Variants in POC5 observed in about 807,000 individuals in gnomAD.
The protein encoded by POC5 is centrosomal protein POC5.
Under a neutral mutation model 62.9 loss-of-function variants are expected in POC5, and 48 were observed. The observed-to-expected ratio is 0.76, with a 90% CI of 0.61 to 0.97. The LOEUF (loss-of-function observed/expected upper bound fraction) is 0.97, where lower values mean the gene tolerates loss of function less well. POC5 is among the 50% of genes least tolerant of loss of function. POC5 has a pLI of 0.00. For synonymous variants in POC5, 236 were observed against 228.2 expected (o/e 1.03, Z -0.31); for missense variants, 696 against 679.5 (o/e 1.02, Z -0.27).
At chr5:75,676,248 A>T (rs561431789) in intron 11 of POC5, among the ~76,000 whole-genome samples, 1 of 152,340 alleles carries the variant, frequency 6.6e-6, no homozygotes, top group Non-Finnish European at 1.5e-5. Context: ...CCATCTCTAT[A>T]CATTTTCTAC....
Position 75,696,823 on chromosome 5 carries a change from T to G in POC5, c.514-1992A>C, listed in dbSNP as rs1236375792. ...AAACTTTGAAAAAAATTTAGAAGAA[T>G]GTATAACTAGAATAACCAATACAGA... is the stretch of plus-strand genomic sequence containing the variant. On this transcript the variant is annotated intron_variant, in intron 5 of 11. Coordinates refer to ENST00000428202, the MANE Select transcript of POC5 (RefSeq NM_001099271.2). Among the ~76,000 whole-genome samples, 21 of 151,514 alleles carry G rather than the reference T, an allele frequency of 1.4e-4. 1 individual carries two copies. The highest frequency in any genetic ancestry group is 1.4e-3 in the Admixed American group (21 of 15,262).
chr5:75,674,748 A>C (rs1241102536), intron 11 of POC5, among the ~76,000 whole-genome samples, 170 bp from the exon 12 acceptor site: 2 of 152,202 alleles, frequency 1.3e-5, no homozygotes, highest in Middle Eastern at 3.2e-3. Flanking sequence ...TTTGTCTGTA[A>C]GGAACCCCTA....
chr5:75,689,761 A>G, intron 8 of POC5: 1 of 764,604 alleles, frequency 1.3e-6, no homozygotes, highest in Non-Finnish European at 1.6e-6. Flanking sequence ...TCATTTTAAT[A>G]TTTAACTTCA....
chr5:75,677,402 T>C (rs1412534271), intron 11 of POC5: 1 of 153,658 alleles, frequency 6.5e-6, no homozygotes, highest in Non-Finnish European at 1.4e-5. Context: ...TGTAATCAAA[T>C]ATCTGCTACA....
At chr5:75,682,268 A>G (rs1254301413) in intron 10 of POC5, among the ~76,000 whole-genome samples, 2 of 152,238 alleles carry the variant, frequency 1.3e-5, no homozygotes, top group African/African-American at 4.8e-5. Context: ...TTCTTCCCAT[A>G]CATATTCAGG....
intron 5 of POC5, among the ~76,000 whole-genome samples, chr5:75,700,228 C>T (rs1347989459): frequency 6.6e-6 from 1 of 151,646 alleles, no homozygotes; most frequent in Admixed American, 6.6e-5. Context: ...CTTTAAAGTT[C>T]ATATGGAACC....
intron 10 of POC5, among the ~76,000 whole-genome samples, chr5:75,683,862 CCTGA>C (rs1425999406): frequency 6.6e-6 from 1 of 152,100 alleles, no homozygotes; most frequent in African/African-American, 2.4e-5. Flanking sequence ...CAGCACCATG[CCTGA>C]CTAATTTTCT....
At chr5:75,676,629 G>A (rs2112064501) in intron 11 of POC5, among the ~76,000 whole-genome samples, 1 of 152,156 alleles carries the variant, frequency 6.6e-6, no homozygotes, top group South Asian at 2.1e-4. Flanking sequence ...GTCCGATGCT[G>A]AGAATTTATA....
In POC5 at chr5:75,690,519, A is replaced by G. The variant is rs761133040; in HGVS notation, c.839T>C (p.Leu280Ser). 2 of 1,601,336 alleles carry G rather than the reference A, an allele frequency of 1.2e-6. No homozygotes were observed. The highest frequency in any genetic ancestry group is 1.1e-5 in the South Asian group (1 of 89,160). ...KLADQYYQRT[L>S]LKKVWKVWRS... ...CCAGACTTTCCAGACTTTCTTCAGT[A>G]AAGTTCTCTGGTAGTACTGGTCAGC... The change falls in exon 8 of 12, where the codon TTA (leucine) becomes TCA (serine). Residue 280 changes from leucine to serine, a missense_variant. Transcript: ENST00000428202.
At chr5:75,687,735 A>G (rs1034351334) in intron 9 of POC5, among the ~76,000 whole-genome samples, 1 of 152,220 alleles carries the variant, frequency 6.6e-6, no homozygotes, top group Non-Finnish European at 1.5e-5. Context: ...TATAAGAAAC[A>G]GGTTTCTTGT....
At chr5:75,690,643 G>A (rs1404344405) in intron 7 of POC5, 81 bp from the exon 8 acceptor site, 1 of 1,128,902 alleles carries the variant, frequency 8.9e-7, no homozygotes, top group East Asian at 2.6e-5. Flanking sequence ...TAACATGGTG[G>A]TAAGTGTACA....
chr5:75,716,377 C>CCGGGGGG (rs1742557574), intron 1 of POC5, among the ~76,000 whole-genome samples: 1 of 21,316 alleles, frequency 4.7e-5, no homozygotes, highest in Non-Finnish European at 8.7e-5. Context: ...AGGCAGGTAA[C>CCGGGGGG]AGGGGTGGGG....
chr5:75,713,233 A>G (rs948346224), intron 1 of POC5, among the ~76,000 whole-genome samples: 2 of 152,138 alleles, frequency 1.3e-5, no homozygotes, highest in African/African-American at 4.8e-5. Flanking sequence ...GTTCTTGAGC[A>G]ATGTGTGACA....
chr5:75,696,130 TG>T (rs1317915350), intron 5 of POC5: 2 of 160,270 alleles, frequency 1.2e-5, no homozygotes, highest in Admixed American at 6.5e-5. Flanking sequence ...GCAGCGAGGC[TG>T]GGGGAGGGGC....
At chr5:75,690,599 T>A in intron 7 of POC5, 37 bp from the exon 8 acceptor site, 1 of 1,449,448 alleles carries the variant, frequency 6.9e-7, no homozygotes, top group Non-Finnish European at 9.4e-7. Context: ...AAAACACAGT[T>A]GATTGATAAA....
intron 2 of POC5, among the ~76,000 whole-genome samples, chr5:75,711,851 G>A (rs1032441184): frequency 6.6e-6 from 1 of 152,072 alleles, no homozygotes; most frequent in African/African-American, 2.4e-5. Flanking sequence ...ATCTCTTCAC[G>A]AAATGAAATT....
In POC5 at chr5:75,683,938, A is replaced by G. The variant is rs146833759; in HGVS notation, c.1407+1269T>C. ...AGCCTGGTCTCAAACTTCTGGCCTC[A>G]AGCAAACCTTTCACCTCAGCCTCTC... is the stretch of plus-strand genomic sequence containing the variant. On this transcript the variant is annotated intron_variant, in intron 10 of 11. Transcript: ENST00000428202. Among the ~76,000 whole-genome samples the G allele has an allele frequency of 9.9e-5, 15 of 152,266 alleles. 1 individual carries two copies. In the East Asian group the frequency reaches 2.9e-3, roughly 29 times the overall value.
In POC5 at chr5:75,685,309, A is replaced by G. The variant is rs1776055869; in HGVS notation, c.1305T>C (p.Ala435=). The change falls in exon 10 of 12, where the codon GCT becomes GCC. Residue 435 remains alanine, a synonymous_variant. Transcript: ENST00000428202. ...GGASATAVPS[A]ASMTSTRAAS... is the part of the protein sequence containing the mutation. ...CAGCCCTGGTAGAAGTCATCGAAGC[A>G]GCTGAGGGAACGGCAGTCGCGCTGG... The G allele has an allele frequency of 6.2e-7, 1 of 1,613,946 alleles. No individual in the cohort carries two copies. The highest frequency in any genetic ancestry group is 1.7e-5 in the Admixed American group (1 of 60,012).
chr5:75,713,957 A>G (rs1777448554), intron 1 of POC5, among the ~76,000 whole-genome samples: 1 of 152,258 alleles, frequency 6.6e-6, no homozygotes. Context: ...GAGCAGCCAG[A>G]TCATGGAAGG....
Sources: allele counts gnomAD v4.1 joint callset (sites outside exome capture counted in the v4.1 genomes callset), GRCh38; gene constraint gnomAD v4.1.1; transcripts MANE v1.5; gene names NCBI Gene and HGNC (gene_info 2026-07-23, HGNC 2026-07-21).